The following ARHGAP15 variants were observed in gnomAD, a reference collection of about 807,000 sequenced individuals.
ARHGAP15 encodes the protein Rho GTPase activating protein 15.
ARHGAP15 carries 51 observed loss-of-function variants against 63.7 expected under a neutral mutation model. The ratio of observed to expected loss-of-function variants is 0.80; its 90% CI spans 0.64 to 1.01. The LOEUF (loss-of-function observed/expected upper bound fraction) is 1.01, where lower values mean the gene tolerates loss of function less well. Ranked by LOEUF, ARHGAP15 falls within the 50% of genes least tolerant of loss-of-function variation. The pLI is 0.00. For missense variants in ARHGAP15, 560 were observed against 564.6 expected, an observed-to-expected ratio of 0.99 and a Z score of 0.08; for synonymous variants, 191 against 193.8, an observed-to-expected ratio of 0.99 and a Z score of 0.12.
intron 6 of ARHGAP15, among the ~76,000 whole-genome samples, chr2:143,319,101 C>A (rs913014957): frequency 6.6e-6 from 1 of 152,080 alleles, no homozygotes; most frequent in Non-Finnish European, 1.5e-5. Context: ...TCTCCTAGAC[C>A]ACAATTTGTT....
chr2:143,449,458 T>C (rs1690294122), intron 8 of ARHGAP15, among the ~76,000 whole-genome samples: 1 of 152,128 alleles, frequency 6.6e-6, no homozygotes, highest in South Asian at 2.1e-4. Context: ...ATTTGATTGC[T>C]TAAATTTCTT....
At chr2:143,131,921 A>T (rs1373092321) in intron 1 of ARHGAP15, among the ~76,000 whole-genome samples, 13 of 152,130 alleles carry the variant, frequency 8.5e-5, no homozygotes, top group Admixed American at 8.5e-4. Flanking sequence ...AGTGTCTCAT[A>T]TGAAGGATCC....
intron 2 of ARHGAP15, among the ~76,000 whole-genome samples, chr2:143,181,162 T>G (rs1691221216): frequency 6.6e-6 from 1 of 152,170 alleles, no homozygotes; most frequent in African/African-American, 2.4e-5. Context: ...TTTTGAGCAG[T>G]AGGTCTCAAC....
At chr2:143,523,860 A>G (rs1176993522) in intron 10 of ARHGAP15, among the ~76,000 whole-genome samples, 4 of 152,162 alleles carry the variant, frequency 2.6e-5, no homozygotes, top group Non-Finnish European at 5.9e-5. Context: ...TTACTGAACT[A>G]TACACTTAAA....
In ARHGAP15 at chr2:143,155,758, G is replaced by T; in HGVS notation, c.165+103G>T. On this transcript the variant is annotated intron_variant, in intron 2 of 13. Coordinates refer to ENST00000295095, the MANE Select transcript of ARHGAP15 (RefSeq NM_018460.4). ...CTTGTTTTATTTGTTTTCCTAATGTGCATGAGAAAACTGTTTTTGTAATGC... is the reference window on the plus strand; with the variant it reads ...CTTGTTTTATTTGTTTTCCTAATGTTCATGAGAAAACTGTTTTTGTAATGC... 8 of 1,233,498 alleles carry T rather than the reference G, an allele frequency of 6.5e-6. No homozygotes were observed. The South Asian group carries it at 1.0e-4, about 16-fold the overall frequency. 76.4% of individuals were successfully genotyped at this position (1,233,498 alleles called of 1,614,324 possible).
At chr2:143,682,471 CATG>C (rs1056482526) in intron 12 of ARHGAP15, among the ~76,000 whole-genome samples, 25 of 152,022 alleles carry the variant, frequency 1.6e-4, no homozygotes, top group African/African-American at 5.3e-4. Flanking sequence ...AATGCAAAAA[CATG>C]ATTACATATA....
chr2:143,215,138 A>G (rs1692699335), intron 3 of ARHGAP15, among the ~76,000 whole-genome samples: 1 of 152,354 alleles, frequency 6.6e-6, no homozygotes, highest in East Asian at 1.9e-4. Flanking sequence ...GACATTTACA[A>G]CATGATCTGA....
intron 12 of ARHGAP15, among the ~76,000 whole-genome samples, chr2:143,638,916 ATTTAAG>A (rs1048139093): frequency 5.9e-5 from 9 of 151,936 alleles, no homozygotes; most frequent in African/African-American, 1.7e-4. Flanking sequence ...ACATTTCACT[ATTTAAG>A]TTTATTTTTA....
intron 8 of ARHGAP15, chr2:143,437,324 T>C (rs1329526206): frequency 1.0e-5 from 3 of 297,888 alleles, no homozygotes; most frequent in African/African-American, 2.2e-5. Flanking sequence ...AGATCAGTGA[T>C]TGATTTTGAG....
intron 2 of ARHGAP15, among the ~76,000 whole-genome samples, chr2:143,182,843 A>C (rs1691293053): frequency 6.6e-6 from 1 of 152,174 alleles, no homozygotes; most frequent in Non-Finnish European, 1.5e-5. Context: ...TAGCAGGGAT[A>C]CTAACAACAT....
intron 12 of ARHGAP15, among the ~76,000 whole-genome samples, chr2:143,688,368 C>G (rs1252813264): frequency 6.6e-6 from 1 of 152,128 alleles, no homozygotes; most frequent in Non-Finnish European, 1.5e-5. Context: ...TTCTAGCAAA[C>G]TCCAGAATGA....
chr2:143,657,560 T>C (rs551121226), intron 12 of ARHGAP15, among the ~76,000 whole-genome samples: 1 of 152,226 alleles, frequency 6.6e-6, no homozygotes, highest in Non-Finnish European at 1.5e-5. Flanking sequence ...TTACATGATA[T>C]CTTATTTCAT....
chr2:143,430,563 G>A (rs913386753), intron 6 of ARHGAP15, among the ~76,000 whole-genome samples: 1 of 151,956 alleles, frequency 6.6e-6, no homozygotes, highest in African/African-American at 2.4e-5. Context: ...GGTTTTGTAA[G>A]CATTATTACT....
chr2:143,759,284 TTTTA>T (rs1299864269), intron 13 of ARHGAP15, among the ~76,000 whole-genome samples: 2 of 152,014 alleles, frequency 1.3e-5, no homozygotes, highest in South Asian at 2.1e-4. Flanking sequence ...CATGGGAAGG[TTTTA>T]TTTATTTATC....
At chr2:143,726,154 G>T (rs1007010664) in intron 13 of ARHGAP15, among the ~76,000 whole-genome samples, 11 of 152,296 alleles carry the variant, frequency 7.2e-5, no homozygotes, top group East Asian at 3.9e-4. Flanking sequence ...CTGTGACAGG[G>T]TATTGGCCAT....
intron 6 of ARHGAP15, among the ~76,000 whole-genome samples, chr2:143,346,235 C>G (rs1685287430): frequency 2.2e-5 from 3 of 138,912 alleles, no homozygotes; most frequent in Non-Finnish European, 4.6e-5. Flanking sequence ...CACACTCTCT[C>G]TCACACACAC....
intron 3 of ARHGAP15, among the ~76,000 whole-genome samples, chr2:143,204,215 A>G (rs1432441797): frequency 1.3e-5 from 2 of 152,070 alleles, no homozygotes; most frequent in Non-Finnish European, 2.9e-5. Context: ...TTCGCTTTCT[A>G]CTGTTTATTT....
chr2:143,277,446 G>A (rs1262717629), intron 6 of ARHGAP15, among the ~76,000 whole-genome samples: 1 of 151,868 alleles, frequency 6.6e-6, no homozygotes, highest in East Asian at 1.9e-4. Flanking sequence ...TAGATGAAAT[G>A]TCTGCCTGGG....
rs547702628 is a variant in ARHGAP15, at chr2:143,354,093, C to G, written c.475-81508C>G. Among the ~76,000 whole-genome samples, 4 of 151,754 alleles carry G rather than the reference C, an allele frequency of 2.6e-5. No individual in the cohort carries two copies. In the South Asian group the frequency reaches 8.3e-4, roughly 32 times the overall value. ...TCCTTCCTGATAAATGGATTCCGAACAGGAATGACAATTATCCCACATTCA... is the reference window on the plus strand; with the variant it reads ...TCCTTCCTGATAAATGGATTCCGAAGAGGAATGACAATTATCCCACATTCA... On this transcript the variant is annotated intron_variant, in intron 6 of 13. Transcript: ENST00000295095.
Sources: gnomAD v4.1 joint callset for allele counts (sites outside exome capture counted in the v4.1 genomes callset) on GRCh38, gnomAD v4.1.1 for gene constraint, MANE v1.5 for transcripts, NCBI Gene and HGNC (gene_info 2026-07-23, HGNC 2026-07-21) for gene names.